Variants in OR51B5 observed in about 807,000 individuals in gnomAD.
OR51B5 encodes the protein olfactory receptor family 51 subfamily B member 5, also known as olfactory receptor 51B5.
For missense variants in OR51B5, 456 were observed against 374.6 expected, an observed-to-expected ratio of 1.22 and a Z score of -1.79; for synonymous variants, 186 against 144.8, an observed-to-expected ratio of 1.28 and a Z score of -2.04.
At chr11:5,354,111 A>ATAAAT (rs1849148682) in intron 1 of OR51B5, among the ~76,000 whole-genome samples, 1 of 152,208 alleles carries the variant, frequency 6.6e-6, no homozygotes, top group African/African-American at 2.4e-5. Context: ...ATTAAAATGA[A>ATAAAT]TAAATAAAAT....
At chr11:5,492,053 T>C (rs1340703614) in intron 1 of OR51B5, among the ~76,000 whole-genome samples, 1 of 152,156 alleles carries the variant, frequency 6.6e-6, no homozygotes, top group African/African-American at 2.4e-5. Flanking sequence ...ATTTGTTCCT[T>C]TATCCCCAAG....
At chr11:5,498,404 A>T (rs1851680581) in intron 1 of OR51B5, among the ~76,000 whole-genome samples, 1 of 152,108 alleles carries the variant, frequency 6.6e-6, no homozygotes, top group Non-Finnish European at 1.5e-5. Flanking sequence ...ATCACACTTA[A>T]TCTTAATCTT....
chr11:5,401,989 G>A (rs566314233), intron 1 of OR51B5, among the ~76,000 whole-genome samples: 53 of 137,046 alleles, frequency 3.9e-4, no homozygotes, highest in African/African-American at 1.3e-3. Flanking sequence ...CCTCCCTCCC[G>A]CTTGCTGTTC....
At chr11:5,395,733 G>T (rs1194851964) in intron 1 of OR51B5, among the ~76,000 whole-genome samples, 45 of 152,136 alleles carry the variant, frequency 3.0e-4, no homozygotes, top group Non-Finnish European at 4.4e-5. Context: ...AAAAGCTAAG[G>T]TTTAGAAAGA....
intron 1 of OR51B5, among the ~76,000 whole-genome samples, chr11:5,437,079 A>T (rs890332934): frequency 2.0e-5 from 3 of 152,182 alleles, no homozygotes; most frequent in Non-Finnish European, 4.4e-5. Context: ...CTTGGGAATA[A>T]AAAGATAAGA....
intron 1 of OR51B5, among the ~76,000 whole-genome samples, chr11:5,412,534 T>G (rs1035451761): frequency 4.6e-5 from 7 of 152,308 alleles, no homozygotes; most frequent in Admixed American, 6.5e-5. Flanking sequence ...TTCCCTTTCC[T>G]AGTCAAAGAA....
upstream of OR51B5, chr11:5,343,676 C>T: frequency 1.9e-6 from 1 of 534,806 alleles, no homozygotes; most frequent in East Asian, 3.0e-5. Flanking sequence ...TCTCAAAATA[C>T]ATTCTCAGGG....
chr11:5,432,923 T>C (rs1451850418), intron 1 of OR51B5, among the ~76,000 whole-genome samples: 1 of 152,114 alleles, frequency 6.6e-6, no homozygotes, highest in African/African-American at 2.4e-5. Context: ...ACGTGAACCT[T>C]AGAAGGGAAG....
At chr11:5,459,289 C>A (rs1851010797) in intron 1 of OR51B5, among the ~76,000 whole-genome samples, 1 of 152,130 alleles carries the variant, frequency 6.6e-6, no homozygotes, top group Non-Finnish European at 1.5e-5. Flanking sequence ...AGCCTTGCAT[C>A]CCAGGAACAT....
chr11:5,489,045 G>C, intron 1 of OR51B5: 1 of 1,614,020 alleles, frequency 6.2e-7, no homozygotes, highest in African/African-American at 1.3e-5. Flanking sequence ...TCTATGCTCT[G>C]GAGTCCTCAA....
intron 1 of OR51B5, among the ~76,000 whole-genome samples, chr11:5,358,714 C>T (rs975756032): frequency 1.3e-5 from 2 of 151,980 alleles, no homozygotes; most frequent in Non-Finnish European, 2.9e-5. Flanking sequence ...AGACCAATAT[C>T]CCTGATGGAC....
intron 1 of OR51B5, chr11:5,430,608 CG>C (rs1850518908): frequency 2.4e-6 from 1 of 411,452 alleles, no homozygotes; most frequent in African/African-American, 2.0e-5. Context: ...GAAACATTAT[CG>C]GAATTTATGA....
chr11:5,343,683 A>C, upstream of OR51B5: 3 of 529,864 alleles, frequency 5.7e-6, no homozygotes, highest in Non-Finnish European at 9.8e-6. Flanking sequence ...ATACATTCTC[A>C]GGGTTACTCA....
At chr11:5,422,223 C>CA (rs1242129524) in intron 1 of OR51B5, 1 of 1,611,706 alleles carries the variant, frequency 6.2e-7, no homozygotes. Context: ...ACTAACACCA[C>CA]ACAAGAAGGC....
chr11:5,471,635 C>A (rs1023439995), intron 1 of OR51B5, among the ~76,000 whole-genome samples: 1,662 of 123,508 alleles, frequency 0.013, no homozygotes, highest in Non-Finnish European at 0.017. Flanking sequence ...GACTCTGTCT[C>A]AAAAAAAAAA....
chr11:5,378,689 C>A (rs1223558669), intron 1 of OR51B5, among the ~76,000 whole-genome samples: 1 of 152,184 alleles, frequency 6.6e-6, no homozygotes, highest in Non-Finnish European at 1.5e-5. Context: ...AACATTTATG[C>A]AACCAAAAGA....
chr11:5,352,085 A>T (rs200867968), intron 1 of OR51B5: 1 of 1,613,922 alleles, frequency 6.2e-7, no homozygotes, highest in East Asian at 2.2e-5. Context: ...ATCACCTTCA[A>T]CCGTCTCTAT....
At chr11:5,476,925 A>G (rs1238328885) in intron 1 of OR51B5, among the ~76,000 whole-genome samples, 1 of 152,014 alleles carries the variant, frequency 6.6e-6, no homozygotes, top group Admixed American at 6.6e-5. Flanking sequence ...AAACAGGAAG[A>G]TATTGGTCAA....
rs573079493 is a variant in OR51B5, at chr11:5,371,078, G to C, written n.85-24168C>G. ...TTTGAGTGATAAAAATAGTGATTTT[G>C]AACCCTTCCTTCTGCTAGCCCTAGC... On this transcript the variant is annotated intron_variant and non_coding_transcript_variant, in intron 1 of 4. Transcript: ENST00000415970. 2.0e-5 allele frequency among the ~76,000 whole-genome samples: 3 copies of C among 152,264 alleles called. No individual in the cohort carries two copies. In the South Asian group the frequency reaches 6.2e-4, roughly 32 times the overall value.
Sources: allele counts gnomAD v4.1 joint callset (sites outside exome capture counted in the v4.1 genomes callset), GRCh38; gene constraint gnomAD v4.1.1; transcripts MANE v1.5; gene names NCBI Gene and HGNC (gene_info 2026-07-23, HGNC 2026-07-21).